The following PCDH7 variants were observed in gnomAD, a reference collection of about 807,000 sequenced individuals.
PCDH7 encodes the protein protocadherin-7.
PCDH7 carries 17 observed loss-of-function variants against 58.9 expected under a neutral mutation model. That is an observed-to-expected ratio of 0.29 (90% CI 0.20 to 0.43). The LOEUF is 0.43. PCDH7 is among the 20% of genes least tolerant of loss of function. PCDH7 has a pLI of 1.00. For missense variants in PCDH7, 1,274 were observed against 1,441.0 expected, an observed-to-expected ratio of 0.88 and a Z score of 1.88; for synonymous variants, 664 against 616.4, an observed-to-expected ratio of 1.08 and a Z score of -1.14.
chr4:30,757,318 G>C (rs1316217015), intron 1 of PCDH7, among the ~76,000 whole-genome samples: 1 of 152,146 alleles, frequency 6.6e-6, no homozygotes, highest in East Asian at 1.9e-4. Flanking sequence ...CTTGCTTTCT[G>C]GATTGTCCAA....
intron 1 of PCDH7, 46 bp downstream of exon 1, chr4:30,724,642 T>A (rs2109229668): frequency 6.3e-7 from 1 of 1,592,786 alleles, no homozygotes; most frequent in Admixed American, 1.7e-5. Context: ...GGAGGGCTAA[T>A]AACTCTGAGA....
chr4:30,722,068 G>C lies in PCDH7; in HGVS notation c.646G>C (p.Gly216Arg), dbSNP rs1408883023. 4.0e-6 allele frequency: 5 copies of C among 1,242,150 alleles called. No homozygotes were observed. The East Asian group carries it at 9.5e-5, about 24-fold the overall frequency. The allele number at this position is 1,242,150 out of a possible 1,614,324, so 76.9% of individuals were successfully genotyped here. A position where few individuals can be genotyped will look rare whatever the true frequency, so the allele number is the denominator to read the frequency against. Residue 216 changes from glycine (G) to arginine (R), a missense_variant, in exon 1 of 2, where the codon GGC becomes CGC. Gly to Arg is a moderately radical substitution (Grantham distance 125, BLOSUM62 -2). This residue lies in a region of PCDH7 where 331 missense variants were observed against 303.2 expected (regional missense o/e 1.09). Coordinates refer to ENST00000361762, the Ensembl canonical transcript of PCDH7. This position sits in a 1 kb window ranked among gnomAD's most constrained non-coding sequence, Gnocchi z 7.6. The stretch of plus-strand genomic sequence containing the variant: ...CGGGGGCGGCGGGAACGGCGCGAGC[G>C]GCGGCGGCTCGGGAGGCTCCAAGCG...
At chr4:30,755,518 T>TA (rs1269482640) in intron 1 of PCDH7, among the ~76,000 whole-genome samples, 1 of 152,130 alleles carries the variant, frequency 6.6e-6, no homozygotes, top group Non-Finnish European at 1.5e-5. Flanking sequence ...TCTCAACAAA[T>TA]ACTTCTATAG....
At position 30,996,291 on chromosome 4, in the gene PCDH7, T is replaced by C. The variant is rs2109130787; in HGVS notation, c.*7+46076T>C. 3.3e-5 allele frequency among the ~76,000 whole-genome samples: 5 copies of C among 152,334 alleles called. 1 individual carries two copies. The highest frequency in any genetic ancestry group is 3.3e-4 in the Admixed American group (5 of 15,306). ...AATGAAGTTATCCATTTTAATATGGTCATTCTAACTAGGGCAAAACCCCTC... is the reference window on the plus strand; with the variant it reads ...AATGAAGTTATCCATTTTAATATGGCCATTCTAACTAGGGCAAAACCCCTC... On this transcript the variant is annotated intron_variant, in intron 3 of 3. Coordinates refer to the PCDH7 transcript ENST00000509759.
At chr4:31,050,861 G>A (rs926669809) in intron 3 of PCDH7, among the ~76,000 whole-genome samples, 1 of 152,104 alleles carries the variant, frequency 6.6e-6, no homozygotes. Context: ...GTATTTTAGA[G>A]ATTGATAATA....
At chr4:30,911,324 C>T (rs945155062) in intron 1 of PCDH7, among the ~76,000 whole-genome samples, 2 of 147,292 alleles carry the variant, frequency 1.4e-5, no homozygotes, top group Non-Finnish European at 3.0e-5. Context: ...AAAATCACCC[C>T]CCCCCCCAAA....
Position 31,069,052 on chromosome 4 carries a change from C to CGT in PCDH7, c.*8-73410_*8-73409dup, listed in dbSNP as rs1215683112. On this transcript the variant is annotated intron_variant, in intron 3 of 3. Transcript: ENST00000509759. ...TAACTTCTTAATATCTGTGTGTGTGCGTGTGTGTGTGTATTTACACATTGA... is the reference window on the plus strand; with the variant it reads ...TAACTTCTTAATATCTGTGTGTGTGCGTGTGTGTGTGTGTATTTACACATTGA... Among the ~76,000 whole-genome samples, 9 of 151,472 alleles carry CGT rather than the reference C, an allele frequency of 5.9e-5. No homozygotes were observed. The South Asian group carries it at 1.0e-3, about 18-fold the overall frequency.
intron 1 of PCDH7, among the ~76,000 whole-genome samples, chr4:30,834,665 A>G (rs574657563): frequency 7.0e-6 from 1 of 142,084 alleles, no homozygotes; most frequent in African/African-American, 2.6e-5. Flanking sequence ...AGATGAAAGT[A>G]AAAAAAAAAA....
chr4:31,059,384 A>C (rs184552261), intron 3 of PCDH7, among the ~76,000 whole-genome samples: 39 of 151,938 alleles, frequency 2.6e-4, no homozygotes, highest in African/African-American at 9.4e-4. Flanking sequence ...ATTTTTTAAA[A>C]TCAATTTAGG....
chr4:30,859,079 C>T (rs1733858770), intron 1 of PCDH7, among the ~76,000 whole-genome samples: 2 of 152,150 alleles, frequency 1.3e-5, no homozygotes. Context: ...TTTCTCCCTT[C>T]TCTCTTTGTT....
chr4:31,037,545 C>A (rs1230387043), intron 3 of PCDH7, among the ~76,000 whole-genome samples: 1 of 152,082 alleles, frequency 6.6e-6, no homozygotes, highest in African/African-American at 2.4e-5. Flanking sequence ...GAATATGGGC[C>A]ATGTGTTATT....
At chr4:30,736,044 C>T (rs1716202302), downstream of PCDH7, among the ~76,000 whole-genome samples, 1 of 152,138 alleles carries the variant, frequency 6.6e-6, no homozygotes, top group Non-Finnish European at 1.5e-5. Context: ...AGCAGAAAAA[C>T]TGCGTGGCAC....
At chr4:31,108,058 A>G (rs1715801608) in intron 3 of PCDH7, among the ~76,000 whole-genome samples, 1 of 152,082 alleles carries the variant, frequency 6.6e-6, no homozygotes, top group South Asian at 2.1e-4. Flanking sequence ...TGCATTTCCA[A>G]AGAAAACTAC....
intron 3 of PCDH7, among the ~76,000 whole-genome samples, chr4:31,114,251 C>G (rs1222557777): frequency 6.6e-6 from 1 of 152,204 alleles, no homozygotes; most frequent in East Asian, 1.9e-4. Flanking sequence ...ACATATACTA[C>G]TTTAGACAAT....
intron 3 of PCDH7, among the ~76,000 whole-genome samples, chr4:31,036,828 T>C (rs940686577): frequency 6.6e-6 from 1 of 152,142 alleles, no homozygotes; most frequent in African/African-American, 2.4e-5. Context: ...GGATTCACAG[T>C]TCCACATGTC....
At chr4:31,120,433 A>AT (rs1186629438) in intron 3 of PCDH7, among the ~76,000 whole-genome samples, 1 of 50,674 alleles carries the variant, frequency 2.0e-5, no homozygotes. Context: ...TTTTCTTTCT[A>AT]TTTTTTTCTT....
rs1749178576 is a variant in PCDH7, at chr4:30,968,310, ATATATACAC to A, written c.*7+18102_*7+18110del. On this transcript the variant is annotated intron_variant, in intron 3 of 3. Coordinates refer to the PCDH7 transcript ENST00000509759. ...TTACTCTCTCTCTCTCTCTATATAT[ATATATACAC>A]TATATATATATATACACACACTATA... Among the ~76,000 whole-genome samples the A allele has an allele frequency of 1.2e-4, 8 of 68,186 alleles. 1 individual carries two copies. Among genetic ancestry groups the A allele is most frequent in the African/African-American group, 6.9e-4 (7 of 10,086 alleles). 44.7% of individuals were successfully genotyped at this position (68,186 alleles called of 152,430 possible).
intron 3 of PCDH7, among the ~76,000 whole-genome samples, chr4:31,101,272 C>A (rs1030790791): frequency 6.6e-6 from 1 of 151,958 alleles, no homozygotes; most frequent in Admixed American, 6.6e-5. Context: ...TGCATTAAGC[C>A]CTCAGTAAAA....
intron 1 of PCDH7, among the ~76,000 whole-genome samples, chr4:30,907,889 G>A (rs6839087): frequency 0.69 from 105,610 of 152,002 alleles, 36,949 homozygotes; most frequent in African/African-American, 0.79. Flanking sequence ...AGAAAATGTG[G>A]CACATATACA....
Sources: allele counts gnomAD v4.1 joint callset (sites outside exome capture counted in the v4.1 genomes callset), GRCh38; gene constraint gnomAD v4.1.1; regional missense constraint gnomAD v4.1.1; non-coding constraint Gnocchi (gnomAD v3.1); transcripts MANE v1.5; gene names NCBI Gene and HGNC (gene_info 2026-07-23, HGNC 2026-07-21).